The following HMGCS2 variants were observed in gnomAD, a reference collection of about 807,000 sequenced individuals.
HMGCS2 encodes hydroxymethylglutaryl-CoA synthase, mitochondrial.
In HMGCS2, 50 loss-of-function variants were observed where a neutral mutation model predicts 57.4. The observed-to-expected ratio is 0.87, with a 90% confidence interval of 0.69 to 1.10. HMGCS2 has a LOEUF of 1.10. HMGCS2 is among the 50% of genes least tolerant of loss of function. The pLI, the probability that HMGCS2 is intolerant of heterozygous loss-of-function variation, is 0.00. For synonymous variants in HMGCS2, 254 were observed against 245.1 expected, an observed-to-expected ratio of 1.04 and a Z score of -0.34; for missense variants, 627 against 636.5, an observed-to-expected ratio of 0.99 and a Z score of 0.16.
intron 1 of HMGCS2, among the ~76,000 whole-genome samples, chr1:119,767,291 G>A (rs587691729): frequency 6.6e-6 from 1 of 152,300 alleles, no homozygotes; most frequent in South Asian, 2.1e-4. Flanking sequence ...TCAGTGGGTT[G>A]GAGGATCAGA....
intron 8 of HMGCS2, among the ~76,000 whole-genome samples, chr1:119,751,157 T>C (rs965836454): frequency 1.3e-5 from 2 of 152,112 alleles, no homozygotes; most frequent in African/African-American, 4.8e-5. Context: ...GAGTACAACA[T>C]TTTCCTACAG....
At chr1:119,757,617 C>T (rs587775282) in intron 4 of HMGCS2, among the ~76,000 whole-genome samples, 179 bp from the exon 5 acceptor site, 9 of 152,260 alleles carry the variant, frequency 5.9e-5, no homozygotes, top group South Asian at 4.2e-4. Context: ...GCAATCTCTA[C>T]GAATAAGGAA....
At chr1:119,763,215 T>C (rs1368189180) in intron 2 of HMGCS2, among the ~76,000 whole-genome samples, 1 of 152,206 alleles carries the variant, frequency 6.6e-6, no homozygotes, top group African/African-American at 2.4e-5. Flanking sequence ...TCTTGACCTC[T>C]TTTTTCTAAA....
At chr1:119,755,694 G>C in intron 5 of HMGCS2, 97 bp from the exon 6 acceptor site, 1 of 1,097,484 alleles carries the variant, frequency 9.1e-7, no homozygotes, top group South Asian at 1.2e-5. Flanking sequence ...ACTTTGGGGC[G>C]CATGTTTTTC....
chr1:119,753,929 G>A (rs1354870101), intron 6 of HMGCS2, among the ~76,000 whole-genome samples: 1 of 151,318 alleles, frequency 6.6e-6, no homozygotes, highest in African/African-American at 2.4e-5. Context: ...AGCCTGGAGT[G>A]CCCGGAATGC....
Position 119,748,282 on chromosome 1 carries a change from T to C in HMGCS2, c.*565A>G, listed in dbSNP as rs587721879. ...ATTGCAAGGGGACAGAGGCAGCCTG[T>C]GAGGCAAGGACCCAGCCCTCTGACC... On this transcript the variant is annotated 3_prime_UTR_variant, in exon 10 of 10. Transcript: ENST00000369406. 4.6e-5 allele frequency: 7 copies of C among 152,358 alleles called. No homozygotes were observed. Among genetic ancestry groups the C allele is most frequent in the African/African-American group, 1.7e-4 (7 of 41,580 alleles). The allele number at this position is 152,358 out of a possible 1,614,324, so 9.4% of individuals were successfully genotyped here. A position where few individuals can be genotyped will look rare whatever the true frequency, so the allele number is the denominator to read the frequency against.
intron 3 of HMGCS2, among the ~76,000 whole-genome samples, 186 bp downstream of exon 3, chr1:119,759,678 C>T (rs1046975615): frequency 4.6e-5 from 7 of 152,194 alleles, no homozygotes; most frequent in African/African-American, 7.2e-5. Flanking sequence ...GAGGAAGCCT[C>T]GCGGATTCCC....
intron 3 of HMGCS2, 134 bp downstream of exon 3, chr1:119,759,730 C>G (rs1360052529): frequency 2.1e-5 from 23 of 1,069,984 alleles, no homozygotes; most frequent in Non-Finnish European, 3.0e-5. Flanking sequence ...CATAGACCAG[C>G]CCTTTTTAGA....
chr1:119,755,601 T>A lies in HMGCS2; in HGVS notation c.1017-4A>T, dbSNP rs762446729. 2 of 1,613,864 alleles carry A rather than the reference T, an allele frequency of 1.2e-6. No homozygotes were observed. The highest frequency in any genetic ancestry group is 2.2e-5 in the South Asian group (2 of 91,052). ...GGTGTCTTCCAGCTTTAGCCCCCTG[T>A]GAGGTAGCCAGAGGTAGCCATGTGA... On this transcript the variant is annotated splice_polypyrimidine_tract_variant and splice_region_variant and intron_variant, in intron 5 of 9. Coordinates refer to ENST00000369406, the MANE Select transcript of HMGCS2 (RefSeq NM_005518.4).
chr1:119,766,274 G>A (rs1258886918), intron 1 of HMGCS2, among the ~76,000 whole-genome samples: 1 of 152,208 alleles, frequency 6.6e-6, no homozygotes, highest in Non-Finnish European at 1.5e-5. Context: ...CTGGTAAAGT[G>A]ATGCACTCAG....
intron 9 of HMGCS2, 63 bp downstream of exon 9, chr1:119,750,734 G>C: frequency 9.6e-7 from 1 of 1,036,636 alleles, no homozygotes; most frequent in Non-Finnish European, 1.5e-6. Context: ...TTCTCTCTCT[G>C]TGTTGTTACT....
In HMGCS2 at chr1:119,764,465, C is replaced by G. The variant is rs114033510; in HGVS notation, c.266G>C (p.Gly89Ala). 1 of 1,612,872 alleles carries G rather than the reference C, an allele frequency of 6.2e-7. No homozygotes were observed. Among genetic ancestry groups the G allele is most frequent in the African/African-American group, 1.3e-5 (1 of 75,000 alleles). The part of the protein sequence containing the change: ...VEAGKYTVGL[G>A]QTRMGFCSVQ... ...TGAGCAGAAGCCCATACGGGTCTGGCCCAAGCCCACTGTATACTTTCCTGC... is the reference window on the plus strand; with the variant it reads ...TGAGCAGAAGCCCATACGGGTCTGGGCCAAGCCCACTGTATACTTTCCTGC... Residue 89 changes from glycine (G) to alanine (A), a missense_variant, in exon 2 of 10, where the codon GGC becomes GCC. Gly to Ala is a moderately conservative substitution (Grantham distance 60). Coordinates refer to ENST00000369406, the MANE Select transcript of HMGCS2 (RefSeq NM_005518.4).
Position 119,764,608 on chromosome 1 carries a change from A to G in HMGCS2, c.123T>C (p.Ala41=). ...VAHQRFSTAS[A]VPLAKTDTWP... ...AAGTATCTGTTTTGGCCAGGGGGAC[A>G]GCAGAGGCTGTAGAAAACCTGTGAT... is the stretch of plus-strand genomic sequence containing the variant. Residue 41 remains alanine (A), a synonymous_variant, in exon 2 of 10, where the codon GCT becomes GCC. Coordinates refer to ENST00000369406, the MANE Select transcript of HMGCS2 (RefSeq NM_005518.4). 2.5e-6 allele frequency: 4 copies of G among 1,613,812 alleles called. No homozygotes were observed. The highest frequency in any genetic ancestry group is 1.7e-4 in the Middle Eastern group (1 of 6,060).
chr1:119,751,139 T>C (rs956127218), intron 8 of HMGCS2, among the ~76,000 whole-genome samples: 6 of 152,158 alleles, frequency 3.9e-5, no homozygotes, highest in Admixed American at 3.9e-4. Flanking sequence ...TTAAGACTTT[T>C]ATTATAAGAG....
At position 119,755,545 on chromosome 1, in the gene HMGCS2, G is replaced by A. The variant is rs757475645; in HGVS notation, c.1069C>T (p.Leu357=). ...TCGAACATGTCCTGAGAGGCCTTTAGAAGTGCTTTATCCAGGTCCTTGTTG... is the reference window on the plus strand; with the variant it reads ...TCGAACATGTCCTGAGAGGCCTTTAAAAGTGCTTTATCCAGGTCCTTGTTG... ...YTNKDLDKAL[L]KASQDMFDKK... The change falls in exon 6 of 10, where the codon CTA becomes TTA. Residue 357 remains leucine (L), a synonymous_variant. Transcript: ENST00000369406. 6.2e-7 allele frequency: 1 copy of A among 1,614,150 alleles called. No homozygotes were observed.
At chr1:119,760,455 A>G (rs1391900586) in intron 2 of HMGCS2, among the ~76,000 whole-genome samples, 2 of 152,206 alleles carry the variant, frequency 1.3e-5, no homozygotes, top group East Asian at 3.9e-4. Context: ...AAGTGAAGAC[A>G]TTGCCTTCCT....
chr1:119,764,956 C>A (rs587678254), intron 1 of HMGCS2, among the ~76,000 whole-genome samples: 31 of 152,296 alleles, frequency 2.0e-4, no homozygotes, highest in African/African-American at 7.0e-4. Context: ...CTTTAACATA[C>A]ATCTCTTGTG....
At chr1:119,763,103 A>G (rs1009183715) in intron 2 of HMGCS2, among the ~76,000 whole-genome samples, 5 of 152,154 alleles carry the variant, frequency 3.3e-5, no homozygotes, top group Non-Finnish European at 5.9e-5. Flanking sequence ...TGTCAGTGGA[A>G]TTGTTAATGA....
intron 1 of HMGCS2, among the ~76,000 whole-genome samples, chr1:119,767,627 A>G (rs1354027335): frequency 2.0e-5 from 3 of 152,220 alleles, no homozygotes; most frequent in Admixed American, 1.3e-4. Context: ...ATGAAAAGCA[A>G]TATTAGTTCA....
Sources: gnomAD v4.1 joint callset for allele counts (sites outside exome capture counted in the v4.1 genomes callset) on GRCh38, gnomAD v4.1.1 for gene constraint, MANE v1.5 for transcripts, NCBI Gene and HGNC (gene_info 2026-07-23, HGNC 2026-07-21) for gene names.